Variants in SEMA4C observed in about 807,000 individuals in gnomAD.
SEMA4C encodes semaphorin-4C.
In SEMA4C, 19 loss-of-function variants were observed where a neutral mutation model predicts 89.0. That is an observed-to-expected ratio of 0.21 (90% CI 0.15 to 0.31). The LOEUF is 0.31. Among genes scored for constraint, SEMA4C ranks in the 10% least tolerant of loss-of-function variants. The pLI, the probability that SEMA4C is intolerant of heterozygous loss-of-function variation, is 1.00. For missense variants in SEMA4C, 811 were observed against 1,107.0 expected (o/e 0.73, Z 3.79); for synonymous variants, 428 against 472.7 (o/e 0.91, Z 1.23).
intron 12 of SEMA4C, chr2:96,863,479 C>G (rs916874918): frequency 1.1e-6 from 1 of 925,760 alleles, no homozygotes; most frequent in South Asian, 5.0e-5. Context: ...ATATAATGGC[C>G]CTGTGCAGTG....
chr2:96,869,044 GCAAA>G (rs910897636), intron 1 of SEMA4C: 2 of 985,128 alleles, frequency 2.0e-6, no homozygotes, highest in Admixed American at 1.2e-4. Flanking sequence ...GGATTTGAAC[GCAAA>G]CAAAGCGGCG....
rs755870030 is a variant in SEMA4C, at chr2:96,861,920, G to T, written c.1444-26C>A. 41 of 1,585,490 alleles carry T rather than the reference G, an allele frequency of 2.6e-5. No individual in the cohort carries two copies. The highest frequency in any genetic ancestry group is 3.3e-5 in the Non-Finnish European group (38 of 1,167,090). ...CTGCGAGAAAAGCGGGGCGCAGGAG[G>T]GGGGTCGGCCAGGGCCACACCACGG... is the stretch of plus-strand genomic sequence containing the variant. On this transcript the variant is annotated intron_variant, in intron 12 of 14. Coordinates refer to ENST00000305476, the MANE Select transcript of SEMA4C (RefSeq NM_017789.5). This position sits in a 1 kb window ranked among gnomAD's most constrained non-coding sequence, Gnocchi z 7.8.
Position 96,863,685 on chromosome 2 carries a change from G to C in SEMA4C, c.1440C>G (p.Ser480Arg), listed in dbSNP as rs1559032886. Residue 480 changes from serine (S) to arginine (R), a missense_variant, in exon 12 of 15, where the codon AGC becomes AGG. Physicochemically the swap from Ser to Arg is moderately radical, Grantham distance 110. Around this residue, in one of 4 missense-constraint regions of SEMA4C, gnomAD observed 441 missense variants for 664.9 expected, o/e 0.66. Transcript: ENST00000305476. ...CAGATAGGGCCCAACTTACTACCTT[G>C]CTCTGAGATAGCACCAGGCTTCTCA... ...EPMRSLVLSQ[S>R]KKLLFAGSRS... 1.9e-6 allele frequency: 3 copies of C among 1,613,232 alleles called. No individual in the cohort carries two copies. The highest frequency in any genetic ancestry group is 1.7e-6 in the Non-Finnish European group (2 of 1,179,254).
chr2:96,864,902 C>G lies in SEMA4C; in HGVS notation c.787-22G>C, dbSNP rs779761560. ...CGCCCTGGCAGACGGCAAGGGGACACTGCCGGTCAGCCCCGCTGGGCCAGC... is the reference window on the plus strand; with the variant it reads ...CGCCCTGGCAGACGGCAAGGGGACAGTGCCGGTCAGCCCCGCTGGGCCAGC... On this transcript the variant is annotated intron_variant, in intron 8 of 14. Transcript: ENST00000305476. This position sits in a 1 kb window ranked among gnomAD's most constrained non-coding sequence, Gnocchi z 6.3. The G allele has an allele frequency of 6.2e-7, 1 of 1,611,990 alleles. No homozygotes were observed. Among genetic ancestry groups the G allele is most frequent in the Non-Finnish European group, 8.5e-7 (1 of 1,179,190 alleles).
rs1401455036 is a variant in SEMA4C at position 96,861,222 on chromosome 2, G to A, written c.1906C>T (p.Leu636=). Residue 636 remains leucine, a synonymous_variant, in exon 15 of 15, where the codon CTG becomes TTG. Transcript: ENST00000305476. The surrounding 1 kb of genome is among the most constrained non-coding windows in gnomAD (Gnocchi z 7.8). Reference sequence around the variant, plus strand: ...GCCACAAGGTAGCCTTCAGCAGCCAGCCGCGCCCCCTGCTCCTCTGAAAAG... The same window carrying A: ...GCCACAAGGTAGCCTTCAGCAGCCAACCGCGCCCCCTGCTCCTCTGAAAAG... ...HCFSEEQGAR[L]AAEGYLVAVV... is the part of the protein sequence containing the mutation. 1 of 1,610,470 alleles carries A rather than the reference G, an allele frequency of 6.2e-7. No individual in the cohort carries two copies. Among genetic ancestry groups the A allele is most frequent in the Admixed American group, 1.7e-5 (1 of 60,012 alleles).
In SEMA4C at chr2:96,864,534, C is replaced by CCCA; in HGVS notation, c.963-153_963-152insTGG. 1 of 1,383,422 alleles carries CCCA rather than the reference C, an allele frequency of 7.2e-7. No homozygotes were observed. The highest frequency in any genetic ancestry group is 9.9e-7 in the Non-Finnish European group (1 of 1,014,230). The allele number at this position is 1,383,422 out of a possible 1,614,324, so 85.7% of individuals were successfully genotyped here. A position where few individuals can be genotyped will look rare whatever the true frequency, so the allele number is the denominator to read the frequency against. ...CTCAAGTGCCACCTGGCATGGGGCCCTGCCCCTTCACAGGCAGCTCTGAAA... is the reference window on the plus strand; with the variant it reads ...CTCAAGTGCCACCTGGCATGGGGCCCCCATGCCCCTTCACAGGCAGCTCTGAAA... On this transcript the variant is annotated intron_variant, in intron 9 of 14. Transcript: ENST00000305476. The surrounding 1 kb of genome is among the most constrained non-coding windows in gnomAD (Gnocchi z 6.3).
chr2:96,865,732 C>G lies in SEMA4C; in HGVS notation c.354G>C (p.Gln118His). The G allele has an allele frequency of 6.2e-7, 1 of 1,614,116 alleles. No homozygotes were observed. Among genetic ancestry groups the G allele is most frequent in the Non-Finnish European group, 8.5e-7 (1 of 1,180,010 alleles). ...CGTACAGGTGGGAGGCATTGTAGGG[C>G]TGCAGGAAGCGGATGAAGTTGAAGC... is the stretch of plus-strand genomic sequence containing the variant. ...TECFNFIRFL[Q>H]PYNASHLYVC... Residue 118 changes from glutamine (Q) to histidine (H), a missense_variant, in exon 5 of 15, where the codon CAG becomes CAC. By Grantham distance (24) the Gln-to-His change is conservative. Around this residue, in one of 4 missense-constraint regions of SEMA4C, gnomAD observed 119 missense variants for 152.7 expected, o/e 0.78. Coordinates refer to ENST00000305476, the MANE Select transcript of SEMA4C (RefSeq NM_017789.5).
In SEMA4C at chr2:96,865,040, A is replaced by T; in HGVS notation, c.710T>A (p.Phe237Tyr). The change falls in exon 8 of 15, where the codon TTC (phenylalanine) becomes TAC (tyrosine). Residue 237 changes from phenylalanine to tyrosine, a missense_variant. Phe to Tyr is a conservative substitution (Grantham distance 22). This residue lies in a region of SEMA4C where 441 missense variants were observed against 664.9 expected (regional missense o/e 0.66). Coordinates refer to ENST00000305476, the MANE Select transcript of SEMA4C (RefSeq NM_017789.5). The stretch of plus-strand genomic sequence containing the variant: ...CTCCACTGCCCGCTCCCTGAAGAAG[A>T]AGTAGACCTTGTCGTCGTCCCCCGT... Reference protein sequence around the residue: ...SFTGDDDKVYFFFRERAVESD... With the variant: ...SFTGDDDKVYYFFRERAVESD... The T allele has an allele frequency of 6.4e-7, 1 of 1,557,384 alleles. No homozygotes were observed. Among genetic ancestry groups the T allele is most frequent in the Non-Finnish European group, 8.7e-7 (1 of 1,150,308 alleles).
At position 96,869,922 on chromosome 2, in the gene SEMA4C, T is replaced by C. The variant is rs2080169189; in HGVS notation, c.-84A>G. 3 of 986,490 alleles carry C rather than the reference T, an allele frequency of 3.0e-6. No homozygotes were observed. The highest frequency in any genetic ancestry group is 3.6e-6 in the Non-Finnish European group (3 of 830,488). 61.1% of individuals were successfully genotyped at this position (986,490 alleles called of 1,614,324 possible). On this transcript the variant is annotated 5_prime_UTR_variant, in exon 1 of 15. Coordinates refer to ENST00000305476, the MANE Select transcript of SEMA4C (RefSeq NM_017789.5). ...CCCGGGCGCCGCCCTCGCGTTCGGC[T>C]CTGACCGCCGTCCACCCCTGCCCCC...
upstream of SEMA4C, chr2:96,870,609 A>T (rs150264925): frequency 1.0e-6 from 1 of 985,332 alleles, no homozygotes; most frequent in African/African-American, 1.7e-5. Flanking sequence ...CCTGCCCTCA[A>T]GTCTGGAAAG....
chr2:96,868,044 C>T, intron 1 of SEMA4C, 121 bp from the exon 2 acceptor site: 1 of 1,335,036 alleles, frequency 7.5e-7, no homozygotes. Flanking sequence ...TGCCCTCCTT[C>T]CCCTTCTCTT....
In SEMA4C at chr2:96,861,551, C is replaced by T. The variant is rs183249855; in HGVS notation, c.1672+28G>A. On this transcript the variant is annotated intron_variant, in intron 14 of 14. Coordinates refer to ENST00000305476, the MANE Select transcript of SEMA4C (RefSeq NM_017789.5). This position sits in a 1 kb window ranked among gnomAD's most constrained non-coding sequence, Gnocchi z 7.8. ...CTCCAGCTCTGGTCCAGGGCTCAGC[C>T]CGATGCGACGGGAATGAAAAAGCTC... The T allele has an allele frequency of 9.7e-4, 1,554 of 1,602,290 alleles. 2 individuals are homozygous for T. Among genetic ancestry groups the T allele is most frequent in the Middle Eastern group, 1.8e-3 (11 of 6,026 alleles).
In SEMA4C at chr2:96,861,166, C is replaced by T; in HGVS notation, c.1962G>A (p.Glu654=). Residue 654 remains glutamate, a synonymous_variant, in exon 15 of 15, where the codon GAG becomes GAA. Transcript: ENST00000305476. This position sits in a 1 kb window ranked among gnomAD's most constrained non-coding sequence, Gnocchi z 7.8. ...CCAGGTTTTCCAGGGGGGCCCGGGCCTCCAAGGTCACCGACGGGCCTGCCA... is the reference window on the plus strand; with the variant it reads ...CCAGGTTTTCCAGGGGGGCCCGGGCTTCCAAGGTCACCGACGGGCCTGCCA... The part of the protein sequence containing the change: ...AVVAGPSVTL[E]ARAPLENLGL... The T allele has an allele frequency of 6.2e-7, 1 of 1,610,462 alleles. No homozygotes were observed. Among genetic ancestry groups the T allele is most frequent in the Non-Finnish European group, 8.5e-7 (1 of 1,179,686 alleles).
At chr2:96,862,119 C>A (rs1405376673) in intron 12 of SEMA4C, 2 of 552,048 alleles carry the variant, frequency 3.6e-6, no homozygotes, top group Non-Finnish European at 6.4e-6. Context: ...CAATCCTAAG[C>A]CCCTTATCGA....
At chr2:96,863,842 G>T in intron 11 of SEMA4C, 48 bp from the exon 12 acceptor site, 1 of 1,602,378 alleles carries the variant, frequency 6.2e-7, no homozygotes, top group Non-Finnish European at 8.5e-7. Context: ...ACAAGGCCGT[G>T]GGGCAGCTCC....
At position 96,867,898 on chromosome 2, in the gene SEMA4C, C is replaced by G. The variant is rs763676752; in HGVS notation, c.-12G>C. ...CAGTGTGGGGCCATGGCGCACGCCC[C>G]GGCTCTGAGCTTCAGGCCAGCTGTC... On this transcript the variant is annotated 5_prime_UTR_variant, in exon 2 of 15. Coordinates refer to ENST00000305476, the MANE Select transcript of SEMA4C (RefSeq NM_017789.5). 1 of 1,613,452 alleles carries G rather than the reference C, an allele frequency of 6.2e-7. No homozygotes were observed. The highest frequency in any genetic ancestry group is 1.1e-5 in the South Asian group (1 of 91,084).
rs1371674962 is a variant in SEMA4C at position 96,864,074 on chromosome 2, G to T, written c.1182C>A (p.Val394=). 6.2e-7 allele frequency: 1 copy of T among 1,613,144 alleles called. No individual in the cohort carries two copies. The highest frequency in any genetic ancestry group is 2.2e-5 in the East Asian group (1 of 44,876). ...GCTCCTCCATCAGCGGGTGCTTCTT[G>T]ACGAAGTTGAGGATGTTGTCGGGTA... ...LELPDNILNF[V]KKHPLMEEQV... The change falls in exon 11 of 15, where the codon GTC becomes GTA. Residue 394 remains valine, a synonymous_variant. Transcript: ENST00000305476. This position sits in a 1 kb window ranked among gnomAD's most constrained non-coding sequence, Gnocchi z 6.3.
rs2079918099 is a variant in SEMA4C, at chr2:96,860,605, C to A, written c.*21G>T. The A allele has an allele frequency of 6.4e-7, 1 of 1,572,060 alleles. No homozygotes were observed. Among genetic ancestry groups the A allele is most frequent in the African/African-American group, 1.4e-5 (1 of 73,776 alleles). Reference sequence around the variant, plus strand: ...GGAGCTACACCTCCCACGCTTCCCGCCGACGCGGTGGGGGTTCCCCTCATA... The same window carrying A: ...GGAGCTACACCTCCCACGCTTCCCGACGACGCGGTGGGGGTTCCCCTCATA... On this transcript the variant is annotated 3_prime_UTR_variant, in exon 15 of 15. Coordinates refer to ENST00000305476, the MANE Select transcript of SEMA4C (RefSeq NM_017789.5).
intron 12 of SEMA4C, chr2:96,863,396 G>A (rs1169627843): frequency 2.5e-6 from 3 of 1,192,048 alleles, no homozygotes; most frequent in Non-Finnish European, 3.2e-6. Context: ...AGCACAGCTT[G>A]GAGGGTCTGA....
Sources: allele counts gnomAD v4.1 joint callset, GRCh38; gene constraint gnomAD v4.1.1; regional missense constraint gnomAD v4.1.1; non-coding constraint Gnocchi (gnomAD v3.1); transcripts MANE v1.5; gene names NCBI Gene and HGNC (gene_info 2026-07-23, HGNC 2026-07-21).